NF2: variants seen among roughly 807,000 people sequenced by gnomAD.
The protein encoded by NF2 is NF2, moesin-ezrin-radixin like (MERLIN) tumor suppressor, also known as merlin.
NF2 carries 8 observed loss-of-function variants against 83.7 expected under a neutral mutation model. The ratio of observed to expected loss-of-function variants is 0.10; its 90% CI spans 0.06 to 0.17. NF2 has a LOEUF of 0.17. Ranked by LOEUF, NF2 falls within the 10% of genes least tolerant of loss-of-function variation. The pLI, the probability that NF2 is intolerant of heterozygous loss-of-function variation, is 1.00. For missense variants in NF2, 533 were observed against 744.4 expected, an observed-to-expected ratio of 0.72 and a Z score of 3.31; for synonymous variants, 266 against 269.6, an observed-to-expected ratio of 0.99 and a Z score of 0.13.
At chr22:29,644,142 G>C (rs1333239806) in intron 4 of NF2, among the ~76,000 whole-genome samples, 1 of 151,548 alleles carries the variant, frequency 6.6e-6, no homozygotes, top group African/African-American at 2.4e-5. Context: ...CTGCCTGGCG[G>C]AGGAGCTCCT....
Position 29,619,394 on chromosome 22 carries a change from G to A in NF2, c.114+15282G>A, listed in dbSNP as rs1214773907. On this transcript the variant is annotated intron_variant, in intron 1 of 15. Transcript: ENST00000338641. ...GCTCTCCCATGGGTTTTTTTTGTTT[G>A]TTTGTTTGTTTGTTTGTTTTGAGAT... is the stretch of plus-strand genomic sequence containing the variant. 2.0e-5 allele frequency among the ~76,000 whole-genome samples: 3 copies of A among 149,256 alleles called. No individual in the cohort carries two copies. In the South Asian group the frequency reaches 6.4e-4, roughly 32 times the overall value.
chr22:29,674,797 C>A (rs2147091300), intron 12 of NF2, 39 bp from the exon 13 acceptor site: 1 of 1,533,680 alleles, frequency 6.5e-7, no homozygotes, highest in Non-Finnish European at 8.8e-7. Flanking sequence ...TGCTACCTGC[C>A]CTCTTCTGTG....
chr22:29,630,428 T>C (rs907276767), intron 1 of NF2, among the ~76,000 whole-genome samples: 2 of 152,234 alleles, frequency 1.3e-5, no homozygotes, highest in Non-Finnish European at 2.9e-5. Flanking sequence ...ATAAAGTTCA[T>C]ACACATCTAT....
In NF2 at chr22:29,694,777, G is replaced by T; in HGVS notation, c.1763G>T (p.Arg588Leu). The change falls in exon 16 of 16, where the codon CGA becomes CTA. Residue 588 changes from arginine (R) to leucine (L), a missense_variant. Physicochemically the swap from Arg to Leu is moderately radical, Grantham distance 102. Around this residue, in one of 3 missense-constraint regions of NF2, gnomAD observed 199 missense variants for 240.7 expected, o/e 0.83. Coordinates refer to ENST00000338641, the MANE Select transcript of NF2 (RefSeq NM_000268.4). This position sits in a 1 kb window ranked among gnomAD's most constrained non-coding sequence, Gnocchi z 4.1. Reference protein sequence around the residue: ...KKLTLQSAKSRVAFFEEL With the variant: ...KKLTLQSAKSLVAFFEEL ...CTCACCTTGCAGAGCGCCAAGTCCC[G>T]AGTGGCCTTCTTTGAAGAGCTCTAG... is the stretch of plus-strand genomic sequence containing the variant. The T allele has an allele frequency of 6.2e-7, 1 of 1,613,670 alleles. No individual in the cohort carries two copies. Among genetic ancestry groups the T allele is most frequent in the Non-Finnish European group, 8.5e-7 (1 of 1,179,836 alleles).
At chr22:29,642,077 A>C in intron 3 of NF2, 125 bp from the exon 4 acceptor site, 1 of 784,852 alleles carries the variant, frequency 1.3e-6, no homozygotes, top group Non-Finnish European at 2.2e-6. Context: ...ACCCTTTGTC[A>C]GAAAATTATT....
At chr22:29,671,995 C>T (rs755291603) in intron 11 of NF2, 47 bp downstream of exon 11, 1 of 1,613,522 alleles carries the variant, frequency 6.2e-7, no homozygotes, top group South Asian at 1.1e-5. Context: ...TGGGGACTTC[C>T]TTGGCTTTTC....
intron 3 of NF2, among the ~76,000 whole-genome samples, chr22:29,639,494 C>T (rs551759362): frequency 1.3e-5 from 2 of 152,246 alleles, no homozygotes; most frequent in South Asian, 4.2e-4. Context: ...CTATTTTCTT[C>T]TAGCTAACTT....
intron 1 of NF2, among the ~76,000 whole-genome samples, chr22:29,613,138 A>G (rs530447919): frequency 5.3e-5 from 8 of 152,224 alleles, no homozygotes; most frequent in South Asian, 2.1e-4. Context: ...ATAAATTCCT[A>G]TGGAATCGCA....
At position 29,603,687 on chromosome 22, in the gene NF2, G is replaced by T; in HGVS notation, c.-312G>T. 2.3e-6 allele frequency: 1 copy of T among 427,800 alleles called. No individual in the cohort carries two copies. The highest frequency in any genetic ancestry group is 4.1e-6 in the Non-Finnish European group (1 of 243,056). 26.5% of individuals were successfully genotyped at this position (427,800 alleles called of 1,614,324 possible). ...CGGAGTCTGGGCCGCTGCCGTCTAG[G>T]GGTCCCGTCCCGAGGCGTCCCCGGC... is the stretch of plus-strand genomic sequence containing the variant. On this transcript the variant is annotated 5_prime_UTR_variant, in exon 1 of 16. Transcript: ENST00000338641.
chr22:29,653,400 C>T (rs753181503), intron 4 of NF2, among the ~76,000 whole-genome samples: 1 of 145,230 alleles, frequency 6.9e-6, no homozygotes, highest in East Asian at 2.1e-4. Flanking sequence ...GCTGAGATCA[C>T]GCCATTGCAC....
intron 2 of NF2, among the ~76,000 whole-genome samples, chr22:29,638,376 GT>G (rs1380283150): frequency 6.8e-6 from 1 of 147,486 alleles, no homozygotes; most frequent in Non-Finnish European, 1.5e-5. Context: ...TTAAGACAGA[GT>G]TTTGCTCTTG....
chr22:29,654,379 A>G (rs1268240662), intron 4 of NF2, among the ~76,000 whole-genome samples: 4 of 152,200 alleles, frequency 2.6e-5, no homozygotes, highest in Non-Finnish European at 4.4e-5. Flanking sequence ...GCTTTCTTTG[A>G]GGGTTAGAAA....
At chr22:29,684,871 C>G (rs549192451) in intron 15 of NF2, among the ~76,000 whole-genome samples, 1 of 151,874 alleles carries the variant, frequency 6.6e-6, no homozygotes, top group East Asian at 1.9e-4. Context: ...GGTCAGTGAC[C>G]GGGACTGATG....
chr22:29,694,924 C>A lies in NF2; in HGVS notation c.*122C>A. The A allele has an allele frequency of 3.0e-6, 3 of 1,000,456 alleles. No individual in the cohort carries two copies. Among genetic ancestry groups the A allele is most frequent in the Non-Finnish European group, 4.6e-6 (3 of 649,530 alleles). The allele number at this position is 1,000,456 out of a possible 1,614,324, so 62.0% of individuals were successfully genotyped here. A position where few individuals can be genotyped will look rare whatever the true frequency, so the allele number is the denominator to read the frequency against. ...GGGGGTTTCCGTGGGAGCTCCAGAA[C>A]TTTCCCCAGCTGAGTGAAGAGCCCA... is the stretch of plus-strand genomic sequence containing the variant. On this transcript the variant is annotated 3_prime_UTR_variant, in exon 16 of 16. Transcript: ENST00000338641. The surrounding 1 kb of genome is among the most constrained non-coding windows in gnomAD (Gnocchi z 4.1).
Position 29,674,944 on chromosome 22 carries a change from G to A in NF2, c.1446+3G>A, listed in dbSNP as rs2147094078. ...TTGCCACCAAGCCCACGTACCCGGTGAGCCTGGGGGCCACCAGCTGGGGCT... is the reference window on the plus strand; with the variant it reads ...TTGCCACCAAGCCCACGTACCCGGTAAGCCTGGGGGCCACCAGCTGGGGCT... On this transcript the variant is annotated splice_donor_region_variant and intron_variant, in intron 13 of 15. Transcript: ENST00000338641. The A allele has an allele frequency of 6.4e-7, 1 of 1,558,766 alleles. No individual in the cohort carries two copies. Among genetic ancestry groups the A allele is most frequent in the Non-Finnish European group, 8.7e-7 (1 of 1,150,654 alleles).
At chr22:29,643,568 G>A (rs1397542560) in intron 4 of NF2, among the ~76,000 whole-genome samples, 2 of 152,180 alleles carry the variant, frequency 1.3e-5, no homozygotes, top group South Asian at 2.1e-4. Flanking sequence ...TTAACCCTGA[G>A]TGGACATAGC....
At chr22:29,655,848 G>A (rs1445532447) in intron 6 of NF2, among the ~76,000 whole-genome samples, 172 bp downstream of exon 6, 1 of 151,874 alleles carries the variant, frequency 6.6e-6, no homozygotes, top group Admixed American at 6.6e-5. Context: ...TCAGTTTTGT[G>A]TGTGTCCTTT....
intron 15 of NF2, among the ~76,000 whole-genome samples, chr22:29,691,172 G>A (rs1441662870): frequency 6.6e-6 from 1 of 152,208 alleles, no homozygotes; most frequent in Non-Finnish European, 1.5e-5. Context: ...GTGCATGCGA[G>A]GAATTCCCCG....
chr22:29,644,185 G>A (rs1447372500), intron 4 of NF2, among the ~76,000 whole-genome samples: 6 of 148,714 alleles, frequency 4.0e-5, no homozygotes, highest in Non-Finnish European at 8.9e-5. Context: ...CCAGGCAGAG[G>A]GTCTCCTCAC....
Sources: gnomAD v4.1 joint callset for allele counts (sites outside exome capture counted in the v4.1 genomes callset) on GRCh38, gnomAD v4.1.1 for gene constraint, gnomAD v4.1.1 regional missense constraint, Gnocchi (gnomAD v3.1) non-coding constraint, MANE v1.5 for transcripts, NCBI Gene and HGNC (gene_info 2026-07-23, HGNC 2026-07-21) for gene names.